NUP98: variants seen among roughly 807,000 people sequenced by gnomAD.
NUP98 encodes nucleoporin 98 and 96 precursor, also known as nuclear pore complex protein Nup98-Nup96.
Under a neutral mutation model 191.9 loss-of-function variants are expected in NUP98, and 26 were observed. The observed-to-expected ratio is 0.14, with a 90% CI of 0.10 to 0.19. The LOEUF (loss-of-function observed/expected upper bound fraction) is 0.19. Ranked by LOEUF, NUP98 falls within the 10% of genes least tolerant of loss-of-function variation. The pLI is 1.00. For synonymous variants in NUP98, 808 were observed against 778.4 expected (o/e 1.04, Z -0.63); for missense variants, 1,941 against 2,178.8 (o/e 0.89, Z 2.17).
chr11:3,734,089 G>A (rs1380666271), intron 13 of NUP98, among the ~76,000 whole-genome samples: 1 of 151,202 alleles, frequency 6.6e-6, no homozygotes, highest in Non-Finnish European at 1.5e-5. Context: ...AGGCTGGAGT[G>A]CAATGGCGCA....
chr11:3,688,732 T>C (rs2078206752), intron 28 of NUP98, among the ~76,000 whole-genome samples: 1 of 147,796 alleles, frequency 6.8e-6, no homozygotes, highest in Non-Finnish European at 1.5e-5. Flanking sequence ...AAGGCAGAGG[T>C]TGCAGTGAGG....
chr11:3,702,941 G>A, intron 22 of NUP98, 49 bp from the exon 23 acceptor site: 2 of 1,442,474 alleles, frequency 1.4e-6, no homozygotes, highest in Non-Finnish European at 1.9e-6. Flanking sequence ...CAAAACACAA[G>A]CTATTGTTTC....
intron 10 of NUP98, 65 bp downstream of exon 10, chr11:3,760,474 C>A: frequency 6.2e-7 from 1 of 1,613,396 alleles, no homozygotes; most frequent in Non-Finnish European, 8.5e-7. Context: ...GCCAAACCTG[C>A]TTTTTATATG....
chr11:3,761,348 C>T (rs891721597), intron 9 of NUP98, among the ~76,000 whole-genome samples: 2 of 152,154 alleles, frequency 1.3e-5, no homozygotes, highest in East Asian at 1.9e-4. Flanking sequence ...TACTAGAAGC[C>T]GGGCACAGTA....
chr11:3,693,367 C>G lies in NUP98; in HGVS notation c.4176G>C (p.Gln1392His). ...FALLAGKPVWQLSEKKQINVC... is the reference protein window; with the variant it reads ...FALLAGKPVWHLSEKKQINVC... ...CGTTTATTTGCTTCTTTTCTGAGAG[C>G]TGCCACACCTGTGCGAAACAAAATC... Residue 1392 changes from glutamine to histidine, a missense_variant, in exon 27 of 33, where the codon CAG (glutamine) becomes CAC (histidine). Physicochemically the swap from Gln to His is conservative, Grantham distance 24 (BLOSUM62 0). Coordinates refer to ENST00000324932, the MANE Select transcript of NUP98 (RefSeq NM_016320.5). 6.2e-7 allele frequency: 1 copy of G among 1,614,128 alleles called. No homozygotes were observed. The highest frequency in any genetic ancestry group is 8.5e-7 in the Non-Finnish European group (1 of 1,179,998).
chr11:3,765,377 A>G (rs2081303568), intron 8 of NUP98, among the ~76,000 whole-genome samples: 1 of 152,224 alleles, frequency 6.6e-6, no homozygotes, highest in Admixed American at 6.5e-5. Context: ...AAAGGTTTTA[A>G]TTTTGAAAAA....
At chr11:3,726,428 T>A (rs780909893) in intron 14 of NUP98, among the ~76,000 whole-genome samples, 33 of 150,340 alleles carry the variant, frequency 2.2e-4, no homozygotes, top group South Asian at 1.0e-3. Flanking sequence ...TTACCAGTAA[T>A]ACTGGGAGAT....
chr11:3,795,886 T>C (rs1029711791), intron 1 of NUP98, among the ~76,000 whole-genome samples: 1 of 152,200 alleles, frequency 6.6e-6, no homozygotes, highest in African/African-American at 2.4e-5. Flanking sequence ...AGTTTATGCT[T>C]TGTCATCTAT....
At chr11:3,768,924 T>C (rs549985736) in intron 7 of NUP98, among the ~76,000 whole-genome samples, 180 bp from the exon 8 acceptor site, 1 of 152,308 alleles carries the variant, frequency 6.6e-6, no homozygotes, top group East Asian at 1.9e-4. Context: ...GATTTAAACT[T>C]TAACTTCTGT....
intron 4 of NUP98, among the ~76,000 whole-genome samples, chr11:3,776,723 A>C (rs2081744907): frequency 6.6e-6 from 1 of 150,582 alleles, no homozygotes; most frequent in Non-Finnish European, 1.5e-5. Flanking sequence ...CGATCTCTTG[A>C]CCTCATGATC....
At position 3,692,780 on chromosome 11, in the gene NUP98, T is replaced by A. The variant is rs112087634; in HGVS notation, c.4311+452A>T. ...CAAGTTTCAAGTGTTCTCTTACTCC[T>A]GACAAATAATTCTGAGAGAACAATA... On this transcript the variant is annotated intron_variant, in intron 27 of 32. Coordinates refer to ENST00000324932, the MANE Select transcript of NUP98 (RefSeq NM_016320.5). 5.5e-3 allele frequency among the ~76,000 whole-genome samples: 833 copies of A among 152,272 alleles called. 7 individuals carry two copies. The highest frequency in any genetic ancestry group is 0.017 in the African/African-American group (701 of 41,530).
intron 8 of NUP98, among the ~76,000 whole-genome samples, chr11:3,765,112 T>A (rs1246179726): frequency 6.6e-6 from 1 of 152,226 alleles, no homozygotes; most frequent in Admixed American, 6.5e-5. Context: ...ATATCACATG[T>A]ATGATTTTCA....
intron 13 of NUP98, among the ~76,000 whole-genome samples, chr11:3,732,714 C>A (rs1274385767): frequency 2.0e-5 from 3 of 152,224 alleles, no homozygotes; most frequent in Non-Finnish European, 1.5e-5. Context: ...GGCACCTCTA[C>A]AACATCCTGA....
intron 11 of NUP98, among the ~76,000 whole-genome samples, chr11:3,750,179 GA>G (rs1335246579): frequency 6.6e-6 from 1 of 152,130 alleles, no homozygotes; most frequent in African/African-American, 2.4e-5. Context: ...GAGTGCAGCG[GA>G]ATGATCACCG....
chr11:3,747,137 T>A lies in NUP98; in HGVS notation c.1268-2488A>T, dbSNP rs376957587. Among the ~76,000 whole-genome samples the A allele has an allele frequency of 2.7e-3, 417 of 152,284 alleles. 3 individuals carry two copies. The highest frequency in any genetic ancestry group is 9.1e-3 in the African/African-American group (380 of 41,568). ...GTGTGATACAATAAAGTTCTGGTAATTTGTCAAGATAGGAAAAATGTGCTA... is the reference window on the plus strand; with the variant it reads ...GTGTGATACAATAAAGTTCTGGTAAATTGTCAAGATAGGAAAAATGTGCTA... On this transcript the variant is annotated intron_variant, in intron 11 of 32. Transcript: ENST00000324932.
intron 1 of NUP98, among the ~76,000 whole-genome samples, chr11:3,783,858 T>C (rs564483069): frequency 2.3e-4 from 35 of 152,028 alleles, no homozygotes; most frequent in South Asian, 1.2e-3. Flanking sequence ...AATAGCTTCA[T>C]AGTGAAACAC....
chr11:3,720,311 G>T (rs572207748), intron 17 of NUP98, among the ~76,000 whole-genome samples: 1 of 152,174 alleles, frequency 6.6e-6, no homozygotes, highest in South Asian at 2.1e-4. Flanking sequence ...TTTCTCAGAA[G>T]TTCTTGGTAT....
chr11:3,783,661 T>G (rs1034390690), intron 1 of NUP98, among the ~76,000 whole-genome samples: 1 of 152,142 alleles, frequency 6.6e-6, no homozygotes, highest in Non-Finnish European at 1.5e-5. Flanking sequence ...ATCGCACCAT[T>G]GTACTCCAGC....
chr11:3,679,859 G>A (rs191895501), intron 30 of NUP98, 151 bp from the exon 31 acceptor site: 2 of 726,610 alleles, frequency 2.8e-6, no homozygotes, highest in African/African-American at 1.8e-5. Flanking sequence ...CAAAGATACT[G>A]TGGGTTTCAT....
Sources: allele counts gnomAD v4.1 joint callset (sites outside exome capture counted in the v4.1 genomes callset), GRCh38; gene constraint gnomAD v4.1.1; transcripts MANE v1.5; gene names NCBI Gene and HGNC (gene_info 2026-07-23, HGNC 2026-07-21).